The following NPAS3 variants were observed in gnomAD, a reference collection of about 807,000 sequenced individuals.
NPAS3 encodes the protein neuronal PAS domain-containing protein 3.
A neutral mutation model predicts 73.1 loss-of-function variants in NPAS3; 14 were observed. The observed-to-expected ratio is 0.19, with a 90% CI of 0.13 to 0.30. The LOEUF is 0.30. Ranked by LOEUF, NPAS3 falls within the 10% of genes least tolerant of loss-of-function variation. NPAS3 has a pLI of 1.00. For synonymous variants in NPAS3, 620 were observed against 541.5 expected (o/e 1.14, Z -2.01); for missense variants, 1,096 against 1,250.0 (o/e 0.88, Z 1.86).
chr14:33,713,716 C>G (rs1218309808), intron 6 of NPAS3, among the ~76,000 whole-genome samples: 1 of 152,234 alleles, frequency 6.6e-6, no homozygotes, highest in Non-Finnish European at 1.5e-5. Flanking sequence ...GTCCTTTAGT[C>G]TCACACAAGA....
chr14:33,768,753 G>A (rs553647369), intron 7 of NPAS3, among the ~76,000 whole-genome samples: 3 of 152,134 alleles, frequency 2.0e-5, no homozygotes, highest in Non-Finnish European at 4.4e-5. Context: ...CAGATGTTCT[G>A]TTTCCCAATA....
intron 7 of NPAS3, among the ~76,000 whole-genome samples, chr14:33,767,653 C>A (rs61973018): frequency 0.04 from 5,897 of 148,156 alleles, 152 homozygotes; most frequent in Non-Finnish European, 0.06. Context: ...AGTCGCCTAG[C>A]CCTATTCTAT....
intron 6 of NPAS3, among the ~76,000 whole-genome samples, chr14:33,713,687 G>C (rs2060883253): frequency 6.6e-6 from 1 of 152,164 alleles, no homozygotes; most frequent in Non-Finnish European, 1.5e-5. Flanking sequence ...CAGCCTCCTT[G>C]ATTGTGCTCC....
At chr14:32,955,397 A>G (rs993964756) in intron 1 of NPAS3, among the ~76,000 whole-genome samples, 1 of 152,102 alleles carries the variant, frequency 6.6e-6, no homozygotes, top group African/African-American at 2.4e-5. Flanking sequence ...CGTCAGTCCA[A>G]TATGTTTGGA....
chr14:33,184,223 G>A (rs1235514124), intron 2 of NPAS3, among the ~76,000 whole-genome samples: 2 of 152,148 alleles, frequency 1.3e-5, no homozygotes, highest in Admixed American at 1.3e-4. Context: ...GCAGACTCCA[G>A]AGAAAGCGAC....
chr14:33,025,181 G>A (rs2039757609), intron 1 of NPAS3, among the ~76,000 whole-genome samples: 1 of 152,194 alleles, frequency 6.6e-6, no homozygotes, highest in African/African-American at 2.4e-5. Context: ...AAGGCAGCTG[G>A]CTTAAACGGT....
chr14:33,602,380 T>A (rs2057425696), intron 5 of NPAS3, among the ~76,000 whole-genome samples: 1 of 152,224 alleles, frequency 6.6e-6, no homozygotes, highest in South Asian at 2.1e-4. Flanking sequence ...GTCGAGCAAG[T>A]GGCTTCTGTT....
intron 5 of NPAS3, among the ~76,000 whole-genome samples, chr14:33,672,259 A>G (rs1797293425): frequency 6.6e-6 from 1 of 152,230 alleles, no homozygotes; most frequent in Non-Finnish European, 1.5e-5. Context: ...GCAAATAGAT[A>G]GATTATGATG....
At chr14:33,693,186 G>A (rs75073576) in intron 6 of NPAS3, among the ~76,000 whole-genome samples, 9,532 of 152,138 alleles carry the variant, frequency 0.063, 371 homozygotes, top group South Asian at 0.13. Context: ...TGTTGTTTTC[G>A]TTTTGTTTTG....
At chr14:33,083,618 AT>A in intron 2 of NPAS3, among the ~76,000 whole-genome samples, 1 of 152,282 alleles carries the variant, frequency 6.6e-6, no homozygotes, top group South Asian at 2.1e-4. Context: ...GCTCTATTTT[AT>A]TTTAAAATCT....
At chr14:33,518,925 T>A (rs545981384) in intron 4 of NPAS3, among the ~76,000 whole-genome samples, 5 of 152,154 alleles carry the variant, frequency 3.3e-5, no homozygotes, top group Non-Finnish European at 5.9e-5. Context: ...AGACTCTTGA[T>A]AAACATTTTT....
chr14:33,095,128 T>C (rs1169163092), intron 2 of NPAS3, among the ~76,000 whole-genome samples: 3 of 152,208 alleles, frequency 2.0e-5, no homozygotes, highest in Non-Finnish European at 2.9e-5. Flanking sequence ...AAAATATTGC[T>C]AGTCTGACTT....
chr14:33,608,237 A>C (rs538292385), intron 5 of NPAS3, among the ~76,000 whole-genome samples: 5 of 152,190 alleles, frequency 3.3e-5, no homozygotes, highest in South Asian at 4.1e-4. Context: ...GTAGCCTACT[A>C]TCTAGTCTTA....
chr14:33,228,600 C>T (rs2047725627), intron 3 of NPAS3, among the ~76,000 whole-genome samples: 1 of 152,042 alleles, frequency 6.6e-6, no homozygotes, highest in South Asian at 2.1e-4. Flanking sequence ...AATTTACTCA[C>T]CTATTCATCC....
intron 5 of NPAS3, among the ~76,000 whole-genome samples, chr14:33,625,858 A>T (rs978326124): frequency 6.6e-6 from 1 of 152,200 alleles, no homozygotes; most frequent in Non-Finnish European, 1.5e-5. Flanking sequence ...ATCCATCAAA[A>T]AGTGAAAGGC....
intron 5 of NPAS3, among the ~76,000 whole-genome samples, chr14:33,587,458 C>A (rs1004914335): frequency 2.0e-5 from 3 of 152,166 alleles, no homozygotes. Flanking sequence ...AGGTTCCCTA[C>A]TCTATGCTCT....
At chr14:33,775,624 A>T (rs530265867) in intron 8 of NPAS3, among the ~76,000 whole-genome samples, 1 of 152,202 alleles carries the variant, frequency 6.6e-6, no homozygotes, top group Non-Finnish European at 1.5e-5. Flanking sequence ...AACCCACCTG[A>T]GCTATGAGTG....
intron 4 of NPAS3, among the ~76,000 whole-genome samples, chr14:33,542,011 T>A (rs1209140000): frequency 6.6e-6 from 1 of 152,186 alleles, no homozygotes; most frequent in East Asian, 1.9e-4. Flanking sequence ...AGTAGCCACC[T>A]ATTTGACTCT....
intron 6 of NPAS3, among the ~76,000 whole-genome samples, chr14:33,693,677 T>C (rs1327657294): frequency 1.3e-5 from 2 of 152,192 alleles, no homozygotes; most frequent in Non-Finnish European, 2.9e-5. Flanking sequence ...AAAAAAAGCC[T>C]GAGTTTGTCA....
Sources: gnomAD v4.1 joint callset for allele counts (sites outside exome capture counted in the v4.1 genomes callset) on GRCh38, gnomAD v4.1.1 for gene constraint, MANE v1.5 for transcripts, NCBI Gene and HGNC (gene_info 2026-07-23, HGNC 2026-07-21) for gene names.